Variants in NCKAP5 observed in about 807,000 individuals in gnomAD.
NCKAP5 encodes the protein NCK associated protein 5.
A neutral mutation model predicts 167.0 loss-of-function variants in NCKAP5; 92 were observed. The ratio of observed to expected loss-of-function variants is 0.55; its 90% CI spans 0.47 to 0.66. The LOEUF (loss-of-function observed/expected upper bound fraction) is 0.66. Ranked by LOEUF, NCKAP5 falls within the 30% of genes least tolerant of loss-of-function variation. NCKAP5 has a pLI of 0.00. For missense variants in NCKAP5, 2,378 were observed against 2,315.0 expected (o/e 1.03, Z -0.56); for synonymous variants, 891 against 877.4 (o/e 1.02, Z -0.27).
chr2:133,118,037 T>A (rs2082135689), intron 6 of NCKAP5: 1 of 152,198 alleles, frequency 6.6e-6, no homozygotes. Flanking sequence ...CCTTCTTCAG[T>A]TCTCTATTAA....
chr2:133,526,726 C>T (rs137953701), intron 2 of NCKAP5, among the ~76,000 whole-genome samples: 10 of 152,304 alleles, frequency 6.6e-5, no homozygotes, highest in Non-Finnish European at 1.3e-4. Context: ...TTTCTTTCCT[C>T]TGACTCTTCT....
the NCKAP5 span, among the ~76,000 whole-genome samples, chr2:133,578,390 G>C: frequency 6.6e-6 from 1 of 152,246 alleles, no homozygotes; most frequent in Non-Finnish European, 1.5e-5. Flanking sequence ...CAATCTTTCA[G>C]CCTGGAACTA....
chr2:133,629,360 A>G, the NCKAP5 span, among the ~76,000 whole-genome samples: 1 of 152,216 alleles, frequency 6.6e-6, no homozygotes, highest in Admixed American at 6.5e-5. Context: ...ACATTTATGC[A>G]GCCAAAAAAC....
intron 5 of NCKAP5, among the ~76,000 whole-genome samples, chr2:133,190,210 C>A (rs1484448480): frequency 6.6e-6 from 1 of 152,130 alleles, no homozygotes; most frequent in Admixed American, 6.5e-5. Flanking sequence ...AGGAATCCAA[C>A]TTACAAGGGA....
intron 7 of NCKAP5, among the ~76,000 whole-genome samples, chr2:132,984,842 G>A (rs538002167): frequency 3.5e-4 from 53 of 151,126 alleles, no homozygotes; most frequent in Non-Finnish European, 6.3e-4. Context: ...TGATATCATC[G>A]TGATTTTGCT....
intron 6 of NCKAP5, among the ~76,000 whole-genome samples, chr2:133,119,220 T>A (rs2082178085): frequency 2.6e-5 from 4 of 152,158 alleles, no homozygotes; most frequent in Admixed American, 2.0e-4. Context: ...GTCAGGCTAG[T>A]CTCAAACTCC....
At chr2:133,361,104 T>C (rs967062127) in intron 3 of NCKAP5, among the ~76,000 whole-genome samples, 4 of 151,664 alleles carry the variant, frequency 2.6e-5, no homozygotes, top group Admixed American at 6.6e-5. Flanking sequence ...TAACCAAAGG[T>C]TGTGGCTTTT....
At chr2:133,503,969 C>T (rs1051525702) in intron 3 of NCKAP5, among the ~76,000 whole-genome samples, 15 of 152,098 alleles carry the variant, frequency 9.9e-5, no homozygotes, top group African/African-American at 3.6e-4. Flanking sequence ...ATAGAAACTC[C>T]CTCTGGGCAC....
intron 5 of NCKAP5, among the ~76,000 whole-genome samples, chr2:133,192,909 A>T (rs1028554800): frequency 2.6e-5 from 4 of 152,096 alleles, no homozygotes. Flanking sequence ...TCTCAGAGAA[A>T]TGAAAACTTA....
chr2:133,333,453 G>A (rs115363692), intron 3 of NCKAP5, among the ~76,000 whole-genome samples: 23 of 152,166 alleles, frequency 1.5e-4, no homozygotes, highest in African/African-American at 4.8e-4. Context: ...TTTCTTCCAC[G>A]ACGAGGAAAA....
At chr2:133,388,362 C>A (rs1206446814) in intron 3 of NCKAP5, among the ~76,000 whole-genome samples, 2 of 152,170 alleles carry the variant, frequency 1.3e-5, no homozygotes, top group African/African-American at 4.8e-5. Context: ...GCAAATATTG[C>A]TGAACAGCAA....
chr2:132,907,528 T>C (rs1694092442), intron 8 of NCKAP5, among the ~76,000 whole-genome samples: 1 of 152,220 alleles, frequency 6.6e-6, no homozygotes, highest in South Asian at 2.1e-4. Context: ...ATACTTCCTA[T>C]GTCACCTGCC....
chr2:133,159,998 A>G (rs968929147), intron 5 of NCKAP5, among the ~76,000 whole-genome samples: 1 of 152,202 alleles, frequency 6.6e-6, no homozygotes, highest in African/African-American at 2.4e-5. Context: ...TCTTCTCCCC[A>G]TCTGGTCTTC....
intron 5 of NCKAP5, among the ~76,000 whole-genome samples, chr2:133,165,849 C>T (rs998500019): frequency 1.3e-5 from 2 of 152,200 alleles, no homozygotes; most frequent in Admixed American, 6.5e-5. Flanking sequence ...CTATAATCAA[C>T]TAAGTTGATT....
At chr2:133,346,365 G>A (rs1015458756) in intron 3 of NCKAP5, among the ~76,000 whole-genome samples, 1 of 152,212 alleles carries the variant, frequency 6.6e-6, no homozygotes, top group African/African-American at 2.4e-5. Context: ...ATGACAGACT[G>A]TGAATTTGAA....
chr2:133,039,324 T>C (rs1212096022), intron 6 of NCKAP5, among the ~76,000 whole-genome samples: 1 of 152,192 alleles, frequency 6.6e-6, no homozygotes, highest in Non-Finnish European at 1.5e-5. Flanking sequence ...GGAGGTAATA[T>C]TTTAGGTGAT....
intron 7 of NCKAP5, 90 bp from the exon 8 acceptor site, chr2:132,963,959 C>A (rs750320192): frequency 2.1e-6 from 3 of 1,410,372 alleles, no homozygotes; most frequent in East Asian, 2.3e-5. Context: ...CATTCTCCTG[C>A]GTGTGCATTC....
intron 2 of NCKAP5, among the ~76,000 whole-genome samples, chr2:133,549,568 C>T (rs1392374488): frequency 6.6e-6 from 1 of 150,378 alleles, no homozygotes; most frequent in African/African-American, 2.5e-5. Flanking sequence ...ACACAACATA[C>T]CAGAATCTCC....
intron 7 of NCKAP5, among the ~76,000 whole-genome samples, chr2:132,969,252 G>T (rs1355180352): frequency 6.6e-6 from 1 of 152,006 alleles, no homozygotes; most frequent in African/African-American, 2.4e-5. Flanking sequence ...TAGCCAGGCT[G>T]GTCTGTAACT....
Sources: gnomAD v4.1 joint callset for allele counts (sites outside exome capture counted in the v4.1 genomes callset) on GRCh38, gnomAD v4.1.1 for gene constraint, MANE v1.5 for transcripts, NCBI Gene and HGNC (gene_info 2026-07-23, HGNC 2026-07-21) for gene names.